Variants in DERA observed in about 807,000 individuals in gnomAD.
The protein encoded by DERA is deoxyribose-phosphate aldolase, also known as 2-deoxy-D-ribose 5-phosphate aldolase.
Under a neutral mutation model 41.1 loss-of-function variants are expected in DERA, and 15 were observed. The observed-to-expected ratio is 0.37, with a 90% CI of 0.24 to 0.56. The LOEUF (loss-of-function observed/expected upper bound fraction) is 0.56. DERA is among the 20% of genes least tolerant of loss of function. DERA has a pLI of 0.81. For missense variants in DERA, 396 were observed against 403.4 expected, an observed-to-expected ratio of 0.98 and a Z score of 0.16; for synonymous variants, 139 against 137.4, an observed-to-expected ratio of 1.01 and a Z score of -0.08.
At chr12:16,023,645 T>C (rs952530440) in intron 6 of DERA, among the ~76,000 whole-genome samples, 3 of 151,276 alleles carry the variant, frequency 2.0e-5, no homozygotes, top group Non-Finnish European at 4.4e-5. Context: ...GCCCGGCTAA[T>C]TTTTTGTATT....
rs1270084991 is a variant in DERA, at chr12:16,011,417, C to G, written c.638-21125C>G. On this transcript the variant is annotated intron_variant, in intron 6 of 8. Transcript: ENST00000428559. This position sits in a 1 kb window ranked among gnomAD's most constrained non-coding sequence, Gnocchi z 4.7. ...CCTAACCTGGTTGAGCATCCCAAAT[C>G]CAAAAATCTGAAATGTGAAATGCTC... 6.6e-6 allele frequency among the ~76,000 whole-genome samples: 1 copy of G among 152,040 alleles called. No homozygotes were observed. Among genetic ancestry groups the G allele is most frequent in the Non-Finnish European group, 1.5e-5 (1 of 68,008 alleles).
Position 15,941,297 on chromosome 12 carries a change from A to G in DERA, c.32-15639A>G, listed in dbSNP as rs950432949. On this transcript the variant is annotated intron_variant, in intron 1 of 8. Coordinates refer to ENST00000428559, the MANE Select transcript of DERA (RefSeq NM_015954.4). The surrounding 1 kb of genome is among the most constrained non-coding windows in gnomAD (Gnocchi z 4.5). ...CAACTAGCTGCTATAGCAAATGGGTATAACAGAGACACAACAGTGTTGAAT... is the reference window on the plus strand; with the variant it reads ...CAACTAGCTGCTATAGCAAATGGGTGTAACAGAGACACAACAGTGTTGAAT... 4.6e-5 allele frequency among the ~76,000 whole-genome samples: 7 copies of G among 152,178 alleles called. No individual in the cohort carries two copies. Among genetic ancestry groups the G allele is most frequent in the East Asian group, 3.9e-4 (2 of 5,192 alleles).
Position 15,959,393 on chromosome 12 carries a change from A to AT in DERA, c.278-431dup, listed in dbSNP as rs1440734027. Among the ~76,000 whole-genome samples the AT allele has an allele frequency of 2.0e-5, 3 of 152,132 alleles. No homozygotes were observed. The highest frequency in any genetic ancestry group is 7.2e-5 in the African/African-American group (3 of 41,434). On this transcript the variant is annotated intron_variant, in intron 3 of 8. Transcript: ENST00000428559. This position sits in a 1 kb window ranked among gnomAD's most constrained non-coding sequence, Gnocchi z 4.5. Reference sequence around the variant, plus strand: ...GAGGGAATAGGATTAGTTAAATGTCATTTTTGTGGTACCACCCTCTAAATT... The same window carrying AT: ...GAGGGAATAGGATTAGTTAAATGTCATTTTTTGTGGTACCACCCTCTAAATT...
intron 1 of DERA, among the ~76,000 whole-genome samples, chr12:15,919,186 A>G (rs1356383807): frequency 6.6e-5 from 10 of 152,216 alleles, no homozygotes; most frequent in Admixed American, 6.5e-4. Flanking sequence ...GAAAAACTAT[A>G]AAGTAATAAT....
rs1328314301 is a variant in DERA at position 15,988,452 on chromosome 12, AGAGAG to A, written c.637+6021_637+6025del. ...TCCCAACAAGTGTCCAGCTCTCAGTAGAGAGGAGACCTGTAGTGGGTAGCTCCTTT... is the reference window on the plus strand; with the variant it reads ...TCCCAACAAGTGTCCAGCTCTCAGTAGAGACCTGTAGTGGGTAGCTCCTTT... On this transcript the variant is annotated intron_variant, in intron 6 of 8. Transcript: ENST00000428559. This position sits in a 1 kb window ranked among gnomAD's most constrained non-coding sequence, Gnocchi z 6.0. Among the ~76,000 whole-genome samples the A allele has an allele frequency of 1.3e-5, 2 of 152,062 alleles. No homozygotes were observed. Among genetic ancestry groups the A allele is most frequent in the Non-Finnish European group, 2.9e-5 (2 of 68,000 alleles).
chr12:15,912,262 A>G (rs1948170036), intron 1 of DERA, among the ~76,000 whole-genome samples: 1 of 152,126 alleles, frequency 6.6e-6, no homozygotes, highest in South Asian at 2.1e-4. Flanking sequence ...AACAAAGCAC[A>G]TCTTGCACCG....
In DERA at chr12:15,970,687, A is replaced by G. The variant is rs1272212172; in HGVS notation, c.508+7740A>G. Among the ~76,000 whole-genome samples, 1 of 151,940 alleles carries G rather than the reference A, an allele frequency of 6.6e-6. No homozygotes were observed. Among genetic ancestry groups the G allele is most frequent in the African/African-American group, 2.4e-5 (1 of 41,316 alleles). On this transcript the variant is annotated intron_variant, in intron 5 of 8. Transcript: ENST00000428559. This position sits in a 1 kb window ranked among gnomAD's most constrained non-coding sequence, Gnocchi z 4.3. ...AAAAACAGGTACACCCACATTTCCA[A>G]CTCCATCTCTCTTTTCAGACTGTTC...
At chr12:15,923,701 C>CTT (rs10641594) in intron 1 of DERA, among the ~76,000 whole-genome samples, 31,172 of 146,052 alleles carry the variant, frequency 0.21, 4,205 homozygotes, top group South Asian at 0.44. Flanking sequence ...TATAGTCTTC[C>CTT]TTTTTTTTTT....
In DERA at chr12:16,000,564, A is replaced by C. The variant is rs748931893; in HGVS notation, c.637+18128A>C. Among the ~76,000 whole-genome samples the C allele has an allele frequency of 9.9e-5, 15 of 152,202 alleles. No homozygotes were observed. The highest frequency in any genetic ancestry group is 1.8e-4 in the Non-Finnish European group (12 of 68,038). On this transcript the variant is annotated intron_variant, in intron 6 of 8. Transcript: ENST00000428559. This position sits in a 1 kb window ranked among gnomAD's most constrained non-coding sequence, Gnocchi z 4.8. ...GCTTTTTGTAAAAAATTTATCACCA[A>C]CTGGGGCATTGAAAGTAAGTTTCCT...
At chr12:15,917,214 CAAAA>C (rs1386345193) in intron 1 of DERA, among the ~76,000 whole-genome samples, 2 of 151,964 alleles carry the variant, frequency 1.3e-5, no homozygotes, top group Non-Finnish European at 2.9e-5. Context: ...AAAACAAAAA[CAAAA>C]AACTAAAACA....
At chr12:15,980,130 C>T (rs1160354966) in intron 5 of DERA, among the ~76,000 whole-genome samples, 1 of 152,206 alleles carries the variant, frequency 6.6e-6, no homozygotes, top group Admixed American at 6.5e-5. Flanking sequence ...GAATTCTGAA[C>T]TTAATAATTA....
At chr12:16,005,031 A>G (rs1282716771) in intron 6 of DERA, among the ~76,000 whole-genome samples, 2 of 152,214 alleles carry the variant, frequency 1.3e-5, no homozygotes, top group African/African-American at 4.8e-5. Flanking sequence ...AGGCAGTTTA[A>G]AAGTTTAAAA....
rs1224591706 is a variant in DERA at position 15,965,382 on chromosome 12, T to TATCAACCC, written c.508+2440_508+2447dup. 1.3e-5 allele frequency among the ~76,000 whole-genome samples: 2 copies of TATCAACCC among 152,172 alleles called. No individual in the cohort carries two copies. The highest frequency in any genetic ancestry group is 2.9e-5 in the Non-Finnish European group (2 of 68,030). On this transcript the variant is annotated intron_variant, in intron 5 of 8. Coordinates refer to ENST00000428559, the MANE Select transcript of DERA (RefSeq NM_015954.4). The surrounding 1 kb of genome is among the most constrained non-coding windows in gnomAD (Gnocchi z 4.1). ...GTGTGCCATGGTGGTTTGCTGCACC[T>TATCAACCC]ATCAACCCATCACCTAGGTAGGTAT...
In DERA at chr12:15,966,247, T is replaced by G. The variant is rs1191639018; in HGVS notation, c.508+3300T>G. On this transcript the variant is annotated intron_variant, in intron 5 of 8. Coordinates refer to ENST00000428559, the MANE Select transcript of DERA (RefSeq NM_015954.4). The surrounding 1 kb of genome is among the most constrained non-coding windows in gnomAD (Gnocchi z 5.1). The stretch of plus-strand genomic sequence containing the variant: ...TCTGGAGTGAGGCGTCCTCCTCACT[T>G]GAGGTTGGGAGTTTGAGACCAGCCT... Among the ~76,000 whole-genome samples, 1 of 152,150 alleles carries G rather than the reference T, an allele frequency of 6.6e-6. No individual in the cohort carries two copies. Among genetic ancestry groups the G allele is most frequent in the Admixed American group, 6.5e-5 (1 of 15,284 alleles).
chr12:15,961,336 G>T (rs1196414184), intron 4 of DERA, among the ~76,000 whole-genome samples: 1 of 152,116 alleles, frequency 6.6e-6, no homozygotes, highest in African/African-American at 2.4e-5. Context: ...TATAAAATTA[G>T]ATTCTAGTTT....
chr12:15,921,612 T>G lies in DERA; in HGVS notation c.31+10198T>G, dbSNP rs1279311507. Among the ~76,000 whole-genome samples the G allele has an allele frequency of 6.6e-6, 1 of 152,092 alleles. No homozygotes were observed. Among genetic ancestry groups the G allele is most frequent in the Non-Finnish European group, 1.5e-5 (1 of 68,014 alleles). Reference sequence around the variant, plus strand: ...TTTTCTTCAGTAAGTAGCAAGAAACTTAAGTGCTTCTAATAATTTTCCAAA... The same window carrying G: ...TTTTCTTCAGTAAGTAGCAAGAAACGTAAGTGCTTCTAATAATTTTCCAAA... On this transcript the variant is annotated intron_variant, in intron 1 of 8. Transcript: ENST00000428559. This position sits in a 1 kb window ranked among gnomAD's most constrained non-coding sequence, Gnocchi z 5.3.
In DERA at chr12:15,985,992, C is replaced by G. The variant is rs117687660; in HGVS notation, c.637+3556C>G. Among the ~76,000 whole-genome samples, 1 of 152,008 alleles carries G rather than the reference C, an allele frequency of 6.6e-6. No homozygotes were observed. Among genetic ancestry groups the G allele is most frequent in the African/African-American group, 2.4e-5 (1 of 41,394 alleles). On this transcript the variant is annotated intron_variant, in intron 6 of 8. Transcript: ENST00000428559. The surrounding 1 kb of genome is among the most constrained non-coding windows in gnomAD (Gnocchi z 4.2). The stretch of plus-strand genomic sequence containing the variant: ...TGTGGATTTGTCTGGTTATCCCTTT[C>G]GTCTGTCAGTTTTTTCATCATGTAT...
Position 15,915,412 on chromosome 12 carries a change from G to A in DERA, c.31+3998G>A, listed in dbSNP as rs1948191760. ...ATTTGGGTGATGGTGATTTTCCACT[G>A]CAAAGTTAACGTTTAATTTTTGGAA... is the stretch of plus-strand genomic sequence containing the variant. On this transcript the variant is annotated intron_variant, in intron 1 of 8. Coordinates refer to ENST00000428559, the MANE Select transcript of DERA (RefSeq NM_015954.4). This position sits in a 1 kb window ranked among gnomAD's most constrained non-coding sequence, Gnocchi z 4.8. 6.6e-6 allele frequency among the ~76,000 whole-genome samples: 1 copy of A among 152,078 alleles called. No homozygotes were observed. The highest frequency in any genetic ancestry group is 1.9e-4 in the East Asian group (1 of 5,188).
chr12:15,952,383 T>A (rs946572467), intron 1 of DERA, among the ~76,000 whole-genome samples: 10 of 152,378 alleles, frequency 6.6e-5, no homozygotes, highest in South Asian at 4.1e-4. Flanking sequence ...ATTACTTTTT[T>A]AAAATACTCC....
Sources: gnomAD v4.1 joint callset for allele counts (sites outside exome capture counted in the v4.1 genomes callset) on GRCh38, gnomAD v4.1.1 for gene constraint, Gnocchi (gnomAD v3.1) non-coding constraint, MANE v1.5 for transcripts, NCBI Gene and HGNC (gene_info 2026-07-23, HGNC 2026-07-21) for gene names.